The following OXCT1 variants were observed in gnomAD, a reference collection of about 807,000 sequenced individuals.
OXCT1 encodes succinyl-CoA:3-ketoacid coenzyme A transferase 1, mitochondrial.
Under a neutral mutation model 69.6 loss-of-function variants are expected in OXCT1, and 27 were observed. The observed-to-expected ratio is 0.39, with a 90% CI of 0.29 to 0.54. The LOEUF (loss-of-function observed/expected upper bound fraction) is 0.54, where lower values mean the gene tolerates loss of function less well. OXCT1 is among the 20% of genes least tolerant of loss of function. OXCT1 has a pLI of 0.72. For missense variants in OXCT1, 437 were observed against 650.2 expected, an observed-to-expected ratio of 0.67 and a Z score of 3.57; for synonymous variants, 202 against 217.8, an observed-to-expected ratio of 0.93 and a Z score of 0.64.
intron 6 of OXCT1, among the ~76,000 whole-genome samples, chr5:41,840,729 G>C (rs1422263870): frequency 6.6e-6 from 1 of 151,998 alleles, no homozygotes; most frequent in East Asian, 1.9e-4. Flanking sequence ...GTTTTGTTTT[G>C]AACAGGATTG....
intron 7 of OXCT1, among the ~76,000 whole-genome samples, chr5:41,836,309 T>C (rs1301252431): frequency 6.6e-6 from 1 of 152,186 alleles, no homozygotes; most frequent in Non-Finnish European, 1.5e-5. Flanking sequence ...GCACTATTTT[T>C]CCCAAGTAGC....
chr5:41,841,605 C>G (rs957588193), intron 6 of OXCT1, among the ~76,000 whole-genome samples: 1 of 152,172 alleles, frequency 6.6e-6, no homozygotes, highest in African/African-American at 2.4e-5. Flanking sequence ...CCTTGTGCAG[C>G]CTTCAAATAC....
At chr5:41,773,339 C>T (rs1449342830) in intron 13 of OXCT1, among the ~76,000 whole-genome samples, 2 of 151,134 alleles carry the variant, frequency 1.3e-5, no homozygotes, top group Admixed American at 6.6e-5. Flanking sequence ...ATTTGGGAGG[C>T]CAAGGCAGGC....
intron 4 of OXCT1, among the ~76,000 whole-genome samples, chr5:41,851,536 C>T (rs1749173140): frequency 1.3e-5 from 2 of 152,216 alleles, no homozygotes; most frequent in South Asian, 4.2e-4. Context: ...TGCAGATAGG[C>T]CTTCTGTAGG....
At chr5:41,849,940 G>A in intron 5 of OXCT1, 90 bp downstream of exon 5, 3 of 1,297,698 alleles carry the variant, frequency 2.3e-6, no homozygotes, top group South Asian at 1.2e-5. Flanking sequence ...TCACATAGAG[G>A]TGATTTTATA....
chr5:41,789,305 C>A (rs1486239802), intron 13 of OXCT1, among the ~76,000 whole-genome samples: 10 of 152,086 alleles, frequency 6.6e-5, no homozygotes. Context: ...AGGCAGTGGG[C>A]CAGATTTGGT....
At chr5:41,847,145 C>T (rs1220606915) in intron 5 of OXCT1, among the ~76,000 whole-genome samples, 2 of 151,730 alleles carry the variant, frequency 1.3e-5, no homozygotes, top group African/African-American at 4.8e-5. Flanking sequence ...GAGAATACTA[C>T]AAACACCTCT....
chr5:41,850,264 T>C, intron 4 of OXCT1, 85 bp from the exon 5 acceptor site: 2 of 1,452,180 alleles, frequency 1.4e-6, no homozygotes, highest in Non-Finnish European at 1.9e-6. Flanking sequence ...GTTCCTACTA[T>C]CTAGAGGCTT....
intron 5 of OXCT1, among the ~76,000 whole-genome samples, chr5:41,847,427 T>G (rs535164479): frequency 6.6e-6 from 1 of 152,322 alleles, no homozygotes; most frequent in East Asian, 1.9e-4. Flanking sequence ...CTAACTCATT[T>G]TATGAGGCCA....
At chr5:41,817,586 G>A (rs1170569725) in intron 7 of OXCT1, among the ~76,000 whole-genome samples, 2 of 152,102 alleles carry the variant, frequency 1.3e-5, no homozygotes, top group Non-Finnish European at 2.9e-5. Flanking sequence ...TCCATGCCAC[G>A]CAGCATATCT....
At chr5:41,803,026 T>C (rs755538882) in intron 10 of OXCT1, 43 bp downstream of exon 10, 2 of 1,331,128 alleles carry the variant, frequency 1.5e-6, no homozygotes, top group East Asian at 4.6e-5. Flanking sequence ...AATATCTCAT[T>C]CTTCATTAAG....
chr5:41,736,452 C>T (rs1742889359), intron 16 of OXCT1, among the ~76,000 whole-genome samples: 1 of 152,104 alleles, frequency 6.6e-6, no homozygotes, highest in Admixed American at 6.6e-5. Flanking sequence ...CATATTTTTT[C>T]CACTTTTTTA....
intron 13 of OXCT1, among the ~76,000 whole-genome samples, chr5:41,777,174 T>C (rs1265459171): frequency 6.6e-6 from 1 of 152,118 alleles, no homozygotes; most frequent in Non-Finnish European, 1.5e-5. Context: ...TCCCAGCACT[T>C]TGGGAGGGTG....
intron 13 of OXCT1, among the ~76,000 whole-genome samples, chr5:41,791,885 G>C (rs1745937745): frequency 6.6e-6 from 1 of 151,982 alleles, no homozygotes; most frequent in South Asian, 2.1e-4. Flanking sequence ...CTCACTGCAA[G>C]CTCCGCCTCC....
chr5:41,818,650 G>T (rs1260112333), intron 7 of OXCT1, among the ~76,000 whole-genome samples: 2 of 151,928 alleles, frequency 1.3e-5, no homozygotes, highest in African/African-American at 2.4e-5. Flanking sequence ...ATTAATTTTT[G>T]GTTGTGTACC....
At chr5:41,835,423 A>G (rs1378837340) in intron 7 of OXCT1, among the ~76,000 whole-genome samples, 2 of 152,242 alleles carry the variant, frequency 1.3e-5, no homozygotes, top group South Asian at 2.1e-4. Flanking sequence ...TGGCTCTTAT[A>G]AATAAGTCTT....
At chr5:41,768,456 T>C (rs984651186) in intron 13 of OXCT1, among the ~76,000 whole-genome samples, 2 of 152,200 alleles carry the variant, frequency 1.3e-5, no homozygotes, top group Non-Finnish European at 2.9e-5. Context: ...TATTAATACA[T>C]GCCTCAGCTC....
intron 13 of OXCT1, among the ~76,000 whole-genome samples, chr5:41,789,726 C>A (rs1745822245): frequency 6.6e-6 from 1 of 152,180 alleles, no homozygotes; most frequent in Non-Finnish European, 1.5e-5. Flanking sequence ...AGCCTCAGGA[C>A]CAAATGGACA....
chr5:41,800,936 G>A (rs1746390922), intron 11 of OXCT1, 86 bp downstream of exon 11: 3 of 1,177,950 alleles, frequency 2.5e-6, no homozygotes, highest in South Asian at 1.2e-5. Flanking sequence ...GTGCTCTCCA[G>A]GAAAAGACAA....
Sources: gnomAD v4.1 joint callset for allele counts (sites outside exome capture counted in the v4.1 genomes callset) on GRCh38, gnomAD v4.1.1 for gene constraint, MANE v1.5 for transcripts, NCBI Gene and HGNC (gene_info 2026-07-23, HGNC 2026-07-21) for gene names.